Variants in SYT17 observed in about 807,000 individuals in gnomAD.
SYT17 encodes synaptotagmin 17.
A neutral mutation model predicts 46.7 loss-of-function variants in SYT17; 22 were observed. The ratio of observed to expected loss-of-function variants is 0.47; its 90% CI spans 0.34 to 0.67. SYT17 has a LOEUF of 0.67. SYT17 is among the 30% of genes least tolerant of loss of function. The pLI is 0.01. For synonymous variants in SYT17, 251 were observed against 248.4 expected (o/e 1.01, Z -0.10); for missense variants, 519 against 612.8 (o/e 0.85, Z 1.62).
intron 7 of SYT17, among the ~76,000 whole-genome samples, chr16:19,241,579 C>T (rs1201830638): frequency 6.6e-6 from 1 of 152,184 alleles, no homozygotes; most frequent in East Asian, 1.9e-4. Flanking sequence ...TCGCTCTCTG[C>T]CCACTCCTCC....
In SYT17 at chr16:19,188,034, G is replaced by A. The variant is rs142185430; in HGVS notation, c.951+3887G>A. Among the ~76,000 whole-genome samples the A allele has an allele frequency of 2.2e-3, 333 of 152,222 alleles. 1 individual carries two copies. Among genetic ancestry groups the A allele is most frequent in the African/African-American group, 7.0e-3 (292 of 41,542 alleles). ...TTCTATTATAAAGACACATGCATGC[G>A]TTATGTTCATTGCAGCACTATTCAC... On this transcript the variant is annotated intron_variant, in intron 5 of 7. Transcript: ENST00000355377.
intron 7 of SYT17, 59 bp from the exon 8 acceptor site, chr16:19,266,821 T>C: frequency 6.6e-7 from 1 of 1,516,266 alleles, no homozygotes; most frequent in Non-Finnish European, 9.0e-7. Context: ...CCTGCCTTCC[T>C]GTTCTGTTCC....
chr16:19,178,248 A>G (rs1964397203), intron 3 of SYT17, among the ~76,000 whole-genome samples: 1 of 127,440 alleles, frequency 7.8e-6, no homozygotes, highest in Admixed American at 7.5e-5. Flanking sequence ...ACGCCCGGCT[A>G]ATTTTTTGTA....
In SYT17 at chr16:19,168,318, C is replaced by A; in HGVS notation, c.-329C>A. 1 of 399,314 alleles carries A rather than the reference C, an allele frequency of 2.5e-6. No individual in the cohort carries two copies. Among genetic ancestry groups the A allele is most frequent in the Admixed American group, 4.9e-5 (1 of 20,416 alleles). The allele number at this position is 399,314 out of a possible 1,614,324, so 24.7% of individuals were successfully genotyped here. A position where few individuals can be genotyped will look rare whatever the true frequency, so the allele number is the denominator to read the frequency against. On this transcript the variant is annotated 5_prime_UTR_variant, in exon 1 of 8. Transcript: ENST00000355377. This position sits in a 1 kb window ranked among gnomAD's most constrained non-coding sequence, Gnocchi z 6.9. ...CCGCAGCTGCCCCGGGCTGCTTGCCCAGGCGCCCCGGCCTTATTCCAGCCT... is the reference window on the plus strand; with the variant it reads ...CCGCAGCTGCCCCGGGCTGCTTGCCAAGGCGCCCCGGCCTTATTCCAGCCT...
chr16:19,196,356 C>A (rs4782217), intron 5 of SYT17, among the ~76,000 whole-genome samples: 25,059 of 151,738 alleles, frequency 0.17, 2,299 homozygotes, highest in African/African-American at 0.24. Flanking sequence ...ATTTCTCCTG[C>A]CTCAGCCTCC....
Position 19,180,301 on chromosome 16 carries a change from G to T in SYT17, c.183-90G>T, listed in dbSNP as rs1964494395. ...GTTGCATAAAATGAGTCTGAGAGCG[G>T]TTTCATCGTGGGTCTTAACCCCCAA... On this transcript the variant is annotated intron_variant, in intron 3 of 7. Transcript: ENST00000355377. 8.2e-6 allele frequency: 12 copies of T among 1,458,608 alleles called. No individual in the cohort carries two copies. The East Asian group carries it at 2.5e-4, about 31-fold the overall frequency. 90.4% of individuals were successfully genotyped at this position (1,458,608 alleles called of 1,614,324 possible).
chr16:19,183,581 T>C lies in SYT17; in HGVS notation c.385T>C (p.Phe129Leu), dbSNP rs778252093. ...ACTCATCGATATTAAACCCATCGAGTTTGGCGTTCTCAGCGCCAAGAAGGA... is the reference window on the plus strand; with the variant it reads ...ACTCATCGATATTAAACCCATCGAGCTTGGCGTTCTCAGCGCCAAGAAGGA... ...SPLIDIKPIEFGVLSAKKEPI... is the reference protein window; with the variant it reads ...SPLIDIKPIELGVLSAKKEPI... Residue 129 changes from phenylalanine to leucine, a missense_variant, in exon 5 of 8, where the codon TTT becomes CTT. Phe to Leu is a conservative substitution (Grantham distance 22). Transcript: ENST00000355377. The surrounding 1 kb of genome is among the most constrained non-coding windows in gnomAD (Gnocchi z 5.6). The C allele has an allele frequency of 1.9e-6, 3 of 1,614,130 alleles. No homozygotes were observed. The highest frequency in any genetic ancestry group is 2.2e-5 in the South Asian group (2 of 91,086).
At chr16:19,221,548 C>T (rs553267376) in intron 5 of SYT17, among the ~76,000 whole-genome samples, 3 of 152,208 alleles carry the variant, frequency 2.0e-5, no homozygotes, top group South Asian at 2.1e-4. Flanking sequence ...AGTTAACATG[C>T]GAGATTGTTT....
Position 19,168,528 on chromosome 16 carries a change from GC to G in SYT17, c.-117del. On this transcript the variant is annotated 5_prime_UTR_variant, in exon 1 of 8. Coordinates refer to ENST00000355377, the MANE Select transcript of SYT17 (RefSeq NM_016524.4). The surrounding 1 kb of genome is among the most constrained non-coding windows in gnomAD (Gnocchi z 6.9). ...ATCAGCCACGCCAGTCACGTCTGGGGCCACCGGCTGCCTTTTTCTTCCTTTC... is the reference window on the plus strand; with the variant it reads ...ATCAGCCACGCCAGTCACGTCTGGGGCACCGGCTGCCTTTTTCTTCCTTTC... 7.0e-7 allele frequency: 1 copy of G among 1,429,870 alleles called. No homozygotes were observed. Among genetic ancestry groups the G allele is most frequent in the South Asian group, 1.3e-5 (1 of 79,874 alleles). 88.6% of individuals were successfully genotyped at this position (1,429,870 alleles called of 1,614,324 possible).
intron 7 of SYT17, among the ~76,000 whole-genome samples, chr16:19,244,387 G>A (rs75626805): frequency 2.0e-5 from 3 of 151,868 alleles, no homozygotes; most frequent in Non-Finnish European, 2.9e-5. Flanking sequence ...AGGCTGGAAT[G>A]CAGTGGCACA....
At chr16:19,263,849 G>C (rs1469955420) in intron 7 of SYT17, among the ~76,000 whole-genome samples, 2 of 152,172 alleles carry the variant, frequency 1.3e-5, no homozygotes, top group Admixed American at 6.5e-5. Flanking sequence ...ACAGATAGCA[G>C]ATATGTGAGG....
intron 5 of SYT17, among the ~76,000 whole-genome samples, chr16:19,219,811 A>G (rs962428695): frequency 3.3e-5 from 5 of 152,198 alleles, no homozygotes; most frequent in African/African-American, 1.2e-4. Flanking sequence ...TCACTGGTGT[A>G]TCCTTAGTCC....
At chr16:19,189,026 A>G (rs1312587085) in intron 5 of SYT17, among the ~76,000 whole-genome samples, 3 of 152,072 alleles carry the variant, frequency 2.0e-5, no homozygotes, top group African/African-American at 4.8e-5. Flanking sequence ...TGCTGGGACT[A>G]CAGGCGCCCA....
chr16:19,241,862 A>G (rs1220244239), intron 7 of SYT17, among the ~76,000 whole-genome samples: 1 of 152,198 alleles, frequency 6.6e-6, no homozygotes, highest in Non-Finnish European at 1.5e-5. Context: ...CACGTGGGGC[A>G]CAGGGGTCCC....
At chr16:19,228,527 G>T (rs933765187) in intron 7 of SYT17, among the ~76,000 whole-genome samples, 2 of 152,162 alleles carry the variant, frequency 1.3e-5, no homozygotes, top group African/African-American at 2.4e-5. Flanking sequence ...ACTGCATTCC[G>T]CAGAGACTCT....
chr16:19,258,478 T>TA (rs1175332188), intron 7 of SYT17, among the ~76,000 whole-genome samples: 1 of 151,534 alleles, frequency 6.6e-6, no homozygotes, highest in Non-Finnish European at 1.5e-5. Flanking sequence ...CCGTCTCTAC[T>TA]AAAAAACACA....
intron 5 of SYT17, among the ~76,000 whole-genome samples, chr16:19,189,143 C>G (rs191270305): frequency 6.6e-6 from 1 of 152,294 alleles, no homozygotes; most frequent in Admixed American, 6.5e-5. Context: ...GCCTCGGCCT[C>G]CCATAGTGCT....
intron 7 of SYT17, among the ~76,000 whole-genome samples, chr16:19,265,790 T>C (rs1597062604): frequency 6.6e-6 from 1 of 152,296 alleles, no homozygotes; most frequent in East Asian, 1.9e-4. Context: ...ATAAATCAAG[T>C]TAACCGTCTC....
At chr16:19,217,596 C>T (rs1966145168) in intron 5 of SYT17, among the ~76,000 whole-genome samples, 1 of 152,190 alleles carries the variant, frequency 6.6e-6, no homozygotes, top group African/African-American at 2.4e-5. Flanking sequence ...GTTTATCTAT[C>T]TGTTGATGGA....
Sources: allele counts gnomAD v4.1 joint callset (sites outside exome capture counted in the v4.1 genomes callset), GRCh38; gene constraint gnomAD v4.1.1; non-coding constraint Gnocchi (gnomAD v3.1); transcripts MANE v1.5; gene names NCBI Gene and HGNC (gene_info 2026-07-23, HGNC 2026-07-21).